Variants in SDHAF3 observed in about 807,000 individuals in gnomAD.
SDHAF3 encodes the protein succinate dehydrogenase assembly factor 3, mitochondrial.
Under a neutral mutation model 11.5 loss-of-function variants are expected in SDHAF3, and 18 were observed. The ratio of observed to expected loss-of-function variants is 1.56; its 90% confidence interval spans 1.08 to 2.32. SDHAF3 has a LOEUF of 2.32. Ranked by LOEUF, SDHAF3 falls within the 30% of genes most tolerant of loss-of-function variation. The pLI, the probability that SDHAF3 is intolerant of heterozygous loss-of-function variation, is 0.00. For synonymous variants in SDHAF3, 72 were observed against 59.3 expected (o/e 1.21, Z -0.99); for missense variants, 200 against 154.4 (o/e 1.30, Z -1.57).
intron 1 of SDHAF3, among the ~76,000 whole-genome samples, chr7:97,138,023 G>A (rs2115656787): frequency 6.7e-6 from 1 of 149,118 alleles, no homozygotes; most frequent in Non-Finnish European, 1.5e-5. Flanking sequence ...CAGGCACGTG[G>A]CACCACACCC....
At chr7:97,169,907 G>C (rs1789578989) in intron 1 of SDHAF3, among the ~76,000 whole-genome samples, 1 of 151,920 alleles carries the variant, frequency 6.6e-6, no homozygotes, top group Non-Finnish European at 1.5e-5. Context: ...TTTGAGTTTT[G>C]TATATTAGCT....
chr7:97,123,189 C>T (rs1377512549), intron 1 of SDHAF3, among the ~76,000 whole-genome samples: 2 of 152,178 alleles, frequency 1.3e-5, no homozygotes, highest in Admixed American at 6.5e-5. Context: ...TGTTCCCCTC[C>T]CTGTGTCCAT....
chr7:97,141,494 A>C (rs1218708067), intron 1 of SDHAF3, among the ~76,000 whole-genome samples: 2 of 151,846 alleles, frequency 1.3e-5, no homozygotes, highest in Non-Finnish European at 2.9e-5. Flanking sequence ...CTTTCCCTTT[A>C]TTTCTCAGAC....
intron 1 of SDHAF3, among the ~76,000 whole-genome samples, chr7:97,149,255 T>C (rs1789182170): frequency 6.6e-6 from 1 of 152,162 alleles, no homozygotes; most frequent in South Asian, 2.1e-4. Context: ...TCTTTTGATA[T>C]ACATTTAGTC....
At chr7:97,139,093 G>T (rs1381308388) in intron 1 of SDHAF3, among the ~76,000 whole-genome samples, 1 of 152,258 alleles carries the variant, frequency 6.6e-6, no homozygotes, top group Non-Finnish European at 1.5e-5. Context: ...CTGCATGGGG[G>T]CGCTGCCCGG....
At chr7:97,169,751 G>GA (rs1350893696) in intron 1 of SDHAF3, among the ~76,000 whole-genome samples, 1 of 151,886 alleles carries the variant, frequency 6.6e-6, no homozygotes, top group Admixed American at 6.6e-5. Flanking sequence ...TGTAAAAAAA[G>GA]AAAAAATTAT....
At position 97,181,401 on chromosome 7, in the gene SDHAF3, A is replaced by C; in HGVS notation, c.*186A>C. 2.1e-6 allele frequency: 1 copy of C among 478,980 alleles called. No homozygotes were observed. The highest frequency in any genetic ancestry group is 3.6e-6 in the Non-Finnish European group (1 of 274,040). The allele number at this position is 478,980 out of a possible 1,614,324, so 29.7% of individuals were successfully genotyped here. ...GTGACAATTGAAAAAAACTATTGGA[A>C]TAATAGCACTTGTATGAAATTCAGT... On this transcript the variant is annotated 3_prime_UTR_variant, in exon 2 of 2. Coordinates refer to ENST00000432641, the MANE Select transcript of SDHAF3 (RefSeq NM_020186.3).
chr7:97,155,849 C>A (rs1789293602), intron 1 of SDHAF3, among the ~76,000 whole-genome samples: 1 of 147,924 alleles, frequency 6.8e-6, no homozygotes, highest in African/African-American at 2.5e-5. Context: ...TAGCTAATAT[C>A]CGAAGCATGA....
Position 97,118,056 on chromosome 7 carries a change from C to T in SDHAF3, c.174+159C>T, listed in dbSNP as rs77714892. Among the ~76,000 whole-genome samples, 1,029 of 152,282 alleles carry T rather than the reference C, an allele frequency of 6.8e-3. 7 individuals are homozygous for T. Among genetic ancestry groups the T allele is most frequent in the Non-Finnish European group, 0.012 (798 of 68,030 alleles). ...GTAACACTTTCCAAAGTTTCTCCCA[C>T]GGGTTTCTCACTAGAGCAGATCCTG... On this transcript the variant is annotated intron_variant, in intron 1 of 1. Coordinates refer to ENST00000432641, the MANE Select transcript of SDHAF3 (RefSeq NM_020186.3).
At chr7:97,149,501 T>C (rs1050248532) in intron 1 of SDHAF3, among the ~76,000 whole-genome samples, 8 of 152,154 alleles carry the variant, frequency 5.3e-5, no homozygotes, top group East Asian at 1.9e-4. Flanking sequence ...CTTGGAGATA[T>C]TGTGATAAAA....
At chr7:97,165,029 A>G (rs1789479451) in intron 1 of SDHAF3, among the ~76,000 whole-genome samples, 1 of 152,168 alleles carries the variant, frequency 6.6e-6, no homozygotes, top group African/African-American at 2.4e-5. Context: ...AAAAGATTAA[A>G]TCCCTAGCAC....
intron 1 of SDHAF3, among the ~76,000 whole-genome samples, chr7:97,170,144 A>G (rs1789584531): frequency 6.6e-6 from 1 of 151,934 alleles, no homozygotes; most frequent in African/African-American, 2.4e-5. Flanking sequence ...TCATTGATGC[A>G]TAGTGAACCA....
At chr7:97,137,049 T>C (rs565934354) in intron 1 of SDHAF3, among the ~76,000 whole-genome samples, 49 of 152,340 alleles carry the variant, frequency 3.2e-4, no homozygotes, top group African/African-American at 1.1e-3. Flanking sequence ...TTGTTTGTTT[T>C]TCAGGGCTGT....
At chr7:97,169,394 T>C (rs1390285279) in intron 1 of SDHAF3, among the ~76,000 whole-genome samples, 1 of 152,218 alleles carries the variant, frequency 6.6e-6, no homozygotes, top group Non-Finnish European at 1.5e-5. Context: ...TCAATTTCAA[T>C]ATATATCAAA....
chr7:97,136,237 A>T (rs1584214171), intron 1 of SDHAF3: 1 of 437,350 alleles, frequency 2.3e-6, no homozygotes, highest in Non-Finnish European at 4.1e-6. Context: ...TTATAAACTG[A>T]TTTTTTTTGA....
chr7:97,178,945 T>C (rs1421109920), intron 1 of SDHAF3, among the ~76,000 whole-genome samples: 1 of 152,204 alleles, frequency 6.6e-6, no homozygotes, highest in African/African-American at 2.4e-5. Flanking sequence ...CTATATATTT[T>C]CTTCTAGGAT....
intron 1 of SDHAF3, among the ~76,000 whole-genome samples, chr7:97,172,014 C>G (rs1789607188): frequency 6.6e-6 from 1 of 152,012 alleles, no homozygotes; most frequent in South Asian, 2.1e-4. Flanking sequence ...CTATTCCTTC[C>G]TTTCTTTCCC....
chr7:97,143,979 G>A (rs1038511043), intron 1 of SDHAF3, among the ~76,000 whole-genome samples: 7 of 152,010 alleles, frequency 4.6e-5, no homozygotes, highest in Admixed American at 6.6e-5. Flanking sequence ...GCTGATCACC[G>A]CATCCACGCC....
chr7:97,123,093 G>C (rs1022484447), intron 1 of SDHAF3, among the ~76,000 whole-genome samples: 2 of 151,994 alleles, frequency 1.3e-5, no homozygotes, highest in African/African-American at 2.4e-5. Flanking sequence ...CCATCATGTA[G>C]GTTTTAAGCC....
Sources: allele counts gnomAD v4.1 joint callset (sites outside exome capture counted in the v4.1 genomes callset), GRCh38; gene constraint gnomAD v4.1.1; transcripts MANE v1.5; gene names NCBI Gene and HGNC (gene_info 2026-07-23, HGNC 2026-07-21).